OPCML: variants seen among roughly 807,000 people sequenced by gnomAD.
OPCML encodes the protein opioid-binding protein/cell adhesion molecule.
Under a neutral mutation model 37.8 loss-of-function variants are expected in OPCML, and 13 were observed. The observed-to-expected ratio is 0.34, with a 90% CI of 0.22 to 0.55. OPCML has a LOEUF of 0.55. OPCML is among the 20% of genes least tolerant of loss of function. The probability of loss-of-function intolerance (pLI) is 0.91; values close to 1 mark genes in which losing one functional copy is unlikely to be tolerated. For missense variants in OPCML, 341 were observed against 435.6 expected (o/e 0.78, Z 1.93); for synonymous variants, 176 against 168.8 (o/e 1.04, Z -0.33).
intron 1 of OPCML, among the ~76,000 whole-genome samples, chr11:133,051,026 G>A (rs530802048): frequency 6.7e-6 from 1 of 150,128 alleles, no homozygotes; most frequent in East Asian, 2.0e-4. Flanking sequence ...GACCAGCCTT[G>A]CCTCCTCCTG....
chr11:133,260,998 G>T (rs917924844), intron 1 of OPCML, among the ~76,000 whole-genome samples: 1 of 152,160 alleles, frequency 6.6e-6, no homozygotes, highest in African/African-American at 2.4e-5. Flanking sequence ...AGCTCCAGGT[G>T]ACCTGGCTAC....
intron 1 of OPCML, among the ~76,000 whole-genome samples, chr11:133,412,422 G>A (rs556321889): frequency 5.3e-5 from 8 of 152,266 alleles, no homozygotes; most frequent in East Asian, 1.9e-4. Flanking sequence ...GCATGGGCAC[G>A]GTTCACAAAG....
chr11:132,612,849 A>C (rs1040383633), intron 3 of OPCML, among the ~76,000 whole-genome samples: 1 of 152,158 alleles, frequency 6.6e-6, no homozygotes, highest in Non-Finnish European at 1.5e-5. Context: ...ATTTTCTGCT[A>C]TTCTGTTTGT....
Position 133,141,053 on chromosome 11 carries a change from A to AAGG in OPCML, c.62-198044_62-198043insCCT, listed in dbSNP as rs1949810780. Among the ~76,000 whole-genome samples, 2 of 44,216 alleles carry AAGG rather than the reference A, an allele frequency of 4.5e-5. 1 individual carries two copies. Among genetic ancestry groups the AAGG allele is most frequent in the Non-Finnish European group, 1.3e-4 (2 of 14,878 alleles). The allele number at this position is 44,216 out of a possible 152,430, so 29.0% of individuals were successfully genotyped here. A position where few individuals can be genotyped will look rare whatever the true frequency, so the allele number is the denominator to read the frequency against. ...GACGACGACGACGACGACGACGAAG[A>AAGG]AGAAGAAGAAGAAGAAGAAGAAGAA... On this transcript the variant is annotated intron_variant, in intron 1 of 7. Transcript: ENST00000524381.
At chr11:132,820,783 AAG>A (rs1939933782) in intron 2 of OPCML, among the ~76,000 whole-genome samples, 1 of 152,174 alleles carries the variant, frequency 6.6e-6, no homozygotes, top group Non-Finnish European at 1.5e-5. Context: ...ACCACAGTCT[AAG>A]AGATTTTTAA....
chr11:132,429,778 AGGC>A lies in OPCML; in HGVS notation c.916+6305_916+6307del, dbSNP rs1195769991. Among the ~76,000 whole-genome samples the A allele has an allele frequency of 2.6e-5, 4 of 152,280 alleles. No individual in the cohort carries two copies. In the East Asian group the frequency reaches 5.8e-4, roughly 22 times the overall value. On this transcript the variant is annotated intron_variant, in intron 7 of 7. Transcript: ENST00000524381. ...ATTTCGATTAAATGATTCTGGGGCA[AGGC>A]TCACATATCTGCATTTTTAAAGCAT...
intron 1 of OPCML, among the ~76,000 whole-genome samples, chr11:132,995,761 T>C (rs1186594332): frequency 6.6e-6 from 1 of 152,180 alleles, no homozygotes; most frequent in Non-Finnish European, 1.5e-5. Context: ...AGGGAAGACC[T>C]GGCTTTAGTG....
chr11:133,453,748 G>A (rs1186321181), intron 1 of OPCML, among the ~76,000 whole-genome samples: 1 of 152,076 alleles, frequency 6.6e-6, no homozygotes, highest in African/African-American at 2.4e-5. Context: ...TCCTCACGTG[G>A]CACAAGCTTT....
intron 3 of OPCML, among the ~76,000 whole-genome samples, chr11:132,656,069 G>A (rs78786703): frequency 0.01 from 1,587 of 152,100 alleles, 68 homozygotes; most frequent in East Asian, 9.7e-3. Flanking sequence ...ATCTGCAAAC[G>A]AGGCTCTGAA....
chr11:132,619,000 C>CACACACACACA (rs1348979941), intron 3 of OPCML, among the ~76,000 whole-genome samples: 1 of 139,734 alleles, frequency 7.2e-6, no homozygotes, highest in Non-Finnish European at 1.5e-5. Flanking sequence ...CACACACACA[C>CACACACACACA]CGTGTTTAGA....
At chr11:132,604,980 T>A (rs1318064357) in intron 3 of OPCML, among the ~76,000 whole-genome samples, 1 of 152,108 alleles carries the variant, frequency 6.6e-6, no homozygotes, top group East Asian at 1.9e-4. Flanking sequence ...TTATAAGAAA[T>A]AAATTTTAGT....
At chr11:132,441,447 C>A (rs1466683791) in intron 4 of OPCML, among the ~76,000 whole-genome samples, 5 of 152,056 alleles carry the variant, frequency 3.3e-5, no homozygotes, top group South Asian at 2.1e-4. Context: ...GGATTACAGG[C>A]GTGAGCCACC....
Position 133,015,383 on chromosome 11 carries a change from GGAAGGAAGGAAT to G in OPCML, c.62-72385_62-72374del, listed in dbSNP as rs1398599177. ...AGGAAGGGAGGAATGAAGGAAGGAA[GGAAGGAAGGAAT>G]GAAGGAAGGAAGGAAGGAAGGAAGG... On this transcript the variant is annotated intron_variant, in intron 1 of 7. Coordinates refer to ENST00000524381, the MANE Select transcript of OPCML (RefSeq NM_001012393.5). Among the ~76,000 whole-genome samples, 81 of 91,030 alleles carry G rather than the reference GGAAGGAAGGAAT, an allele frequency of 8.9e-4. 3 individuals carry two copies. Among genetic ancestry groups the G allele is most frequent in the African/African-American group, 3.9e-3 (76 of 19,656 alleles). 59.7% of individuals were successfully genotyped at this position (91,030 alleles called of 152,430 possible). A position where few individuals can be genotyped will look rare whatever the true frequency, so the allele number is the denominator to read the frequency against.
At chr11:133,161,039 G>A (rs1037578217) in intron 1 of OPCML, among the ~76,000 whole-genome samples, 2 of 152,314 alleles carry the variant, frequency 1.3e-5, no homozygotes, top group Non-Finnish European at 2.9e-5. Context: ...GCATTGGGCC[G>A]AATGGGAATT....
intron 1 of OPCML, among the ~76,000 whole-genome samples, chr11:133,238,483 T>C (rs955143435): frequency 6.6e-6 from 1 of 152,244 alleles, no homozygotes; most frequent in African/African-American, 2.4e-5. Flanking sequence ...CACTCATATC[T>C]TTCTATTTTT....
At chr11:132,553,125 T>C (rs1409174277) in intron 3 of OPCML, among the ~76,000 whole-genome samples, 3 of 152,172 alleles carry the variant, frequency 2.0e-5, no homozygotes, top group African/African-American at 7.2e-5. Context: ...CTTCACACAA[T>C]GAATTCAACT....
intron 1 of OPCML, among the ~76,000 whole-genome samples, chr11:133,180,176 C>T (rs1937755911): frequency 6.6e-6 from 1 of 152,144 alleles, no homozygotes; most frequent in South Asian, 2.1e-4. Flanking sequence ...ACAGCACCAC[C>T]CTTGGTGAGA....
intron 1 of OPCML, among the ~76,000 whole-genome samples, chr11:133,524,224 T>C (rs899130721): frequency 6.6e-6 from 1 of 152,188 alleles, no homozygotes; most frequent in African/African-American, 2.4e-5. Flanking sequence ...CCCACAGCCA[T>C]ACAACAGCAA....
intron 1 of OPCML, among the ~76,000 whole-genome samples, chr11:133,457,805 C>T (rs1192634847): frequency 2.0e-5 from 3 of 152,002 alleles, no homozygotes; most frequent in Non-Finnish European, 1.5e-5. Flanking sequence ...GAAATGCTAA[C>T]GAGTATCCTT....
Sources: allele counts gnomAD v4.1 joint callset (sites outside exome capture counted in the v4.1 genomes callset), GRCh38; gene constraint gnomAD v4.1.1; transcripts MANE v1.5; gene names NCBI Gene and HGNC (gene_info 2026-07-23, HGNC 2026-07-21).